KPNA1: variants seen among roughly 807,000 people sequenced by gnomAD.
The protein encoded by KPNA1 is karyopherin subunit alpha 1, also known as importin subunit alpha-5.
Under a neutral mutation model 70.5 loss-of-function variants are expected in KPNA1, and 10 were observed. The ratio of observed to expected loss-of-function variants is 0.14; its 90% CI spans 0.09 to 0.24. The LOEUF (loss-of-function observed/expected upper bound fraction) is 0.24. Ranked by LOEUF, KPNA1 falls within the 10% of genes least tolerant of loss-of-function variation. The probability of loss-of-function intolerance (pLI) is 1.00; values close to 1 mark genes in which losing one functional copy is unlikely to be tolerated. For synonymous variants in KPNA1, 192 were observed against 221.9 expected (o/e 0.87, Z 1.20); for missense variants, 397 against 637.9 (o/e 0.62, Z 4.07).
At chr3:122,437,617 T>C (rs934191384) in intron 10 of KPNA1, among the ~76,000 whole-genome samples, 5 of 152,198 alleles carry the variant, frequency 3.3e-5, no homozygotes, top group African/African-American at 1.2e-4. Context: ...ATATATCAAG[T>C]GGCCAGAAAA....
intron 12 of KPNA1, among the ~76,000 whole-genome samples, chr3:122,432,140 T>C (rs2075919128): frequency 6.6e-6 from 1 of 152,170 alleles, no homozygotes; most frequent in Admixed American, 6.5e-5. Context: ...TGCTATAAAA[T>C]ATAGAGACAA....
At chr3:122,496,635 C>A in intron 1 of KPNA1, 65 bp from the exon 2 acceptor site, 2 of 1,488,940 alleles carry the variant, frequency 1.3e-6, no homozygotes, top group Non-Finnish European at 1.8e-6. Context: ...TCTAAGAGCT[C>A]AGTCTTTTAA....
rs183955218 is a variant in KPNA1, at chr3:122,437,508, A to C, written c.997-213T>G. Among the ~76,000 whole-genome samples the C allele has an allele frequency of 2.5e-3, 376 of 152,324 alleles. 2 individuals carry two copies. The highest frequency in any genetic ancestry group is 0.023 in the Admixed American group (347 of 15,294). The stretch of plus-strand genomic sequence containing the variant: ...CATTGTACACATTCACAACTGCTAA[A>C]CTGTACTTAATAAGATACAATAATG... On this transcript the variant is annotated intron_variant, in intron 10 of 13. Coordinates refer to ENST00000344337, the MANE Select transcript of KPNA1 (RefSeq NM_002264.4).
At chr3:122,436,861 T>G (rs1260785830) in intron 11 of KPNA1, among the ~76,000 whole-genome samples, 4 of 152,218 alleles carry the variant, frequency 2.6e-5, no homozygotes, top group Admixed American at 2.6e-4. Context: ...CACTACAACC[T>G]CTACCTCCAC....
chr3:122,436,790 T>G (rs193114072), intron 11 of KPNA1, among the ~76,000 whole-genome samples: 1 of 152,346 alleles, frequency 6.6e-6, no homozygotes, highest in East Asian at 1.9e-4. Context: ...CGTTTTATTT[T>G]GTTTTGAGAT....
At chr3:122,479,660 T>A (rs1257520078) in intron 2 of KPNA1, among the ~76,000 whole-genome samples, 2 of 152,094 alleles carry the variant, frequency 1.3e-5, no homozygotes, top group Non-Finnish European at 2.9e-5. Flanking sequence ...CTCGGGAGGC[T>A]GAGGCAGGAG....
At chr3:122,512,581 G>A (rs1450911685) in intron 1 of KPNA1, among the ~76,000 whole-genome samples, 3 of 152,152 alleles carry the variant, frequency 2.0e-5, no homozygotes, top group Non-Finnish European at 4.4e-5. Context: ...AAAATTAGCC[G>A]AGTGTGGCCT....
chr3:122,486,733 A>AC (rs1360665029), intron 2 of KPNA1, among the ~76,000 whole-genome samples: 1 of 151,792 alleles, frequency 6.6e-6, no homozygotes, highest in Non-Finnish European at 1.5e-5. Flanking sequence ...GACTACAGGC[A>AC]CCGCCACCAC....
Position 122,425,375 on chromosome 3 carries a change from G to A in KPNA1, c.*1610C>T, listed in dbSNP as rs2107710984. 1 of 152,568 alleles carries A rather than the reference G, an allele frequency of 6.6e-6. No homozygotes were observed. Among genetic ancestry groups the A allele is most frequent in the African/African-American group, 2.4e-5 (1 of 41,500 alleles). The allele number at this position is 152,568 out of a possible 1,614,324, so 9.5% of individuals were successfully genotyped here. Reference sequence around the variant, plus strand: ...CTTCCAAATAGTTTTTACACTTTGGGGTTATAATGAATTCTAGAAGAGGAC... The same window carrying A: ...CTTCCAAATAGTTTTTACACTTTGGAGTTATAATGAATTCTAGAAGAGGAC... On this transcript the variant is annotated 3_prime_UTR_variant, in exon 14 of 14. Coordinates refer to ENST00000344337, the MANE Select transcript of KPNA1 (RefSeq NM_002264.4).
intron 6 of KPNA1, among the ~76,000 whole-genome samples, chr3:122,452,638 AGAGGGAGG>A (rs148495333): frequency 3.2e-4 from 16 of 50,496 alleles, no homozygotes; most frequent in African/African-American, 1.0e-3. Context: ...GAGGGAGGAG[AGAGGGAGG>A]GAGGGAGGGA....
intron 1 of KPNA1, among the ~76,000 whole-genome samples, chr3:122,507,741 T>A (rs868017968): frequency 4.0e-5 from 6 of 151,676 alleles, no homozygotes; most frequent in Middle Eastern, 3.4e-3. Context: ...AAAAGTTGAA[T>A]GATTTTTTGG....
At chr3:122,428,740 T>C (rs1417180413) in intron 12 of KPNA1, among the ~76,000 whole-genome samples, 1 of 152,144 alleles carries the variant, frequency 6.6e-6, no homozygotes, top group Non-Finnish European at 1.5e-5. Context: ...ATTAATAACT[T>C]CCCAGAATAG....
intron 9 of KPNA1, among the ~76,000 whole-genome samples, chr3:122,445,437 G>A (rs2076124342): frequency 1.3e-5 from 2 of 152,134 alleles, no homozygotes; most frequent in South Asian, 2.1e-4. Context: ...ATAAGTGAAG[G>A]AGAAATAAAA....
intron 2 of KPNA1, among the ~76,000 whole-genome samples, chr3:122,468,823 C>T (rs763568226): frequency 6.6e-6 from 1 of 152,126 alleles, no homozygotes; most frequent in African/African-American, 2.4e-5. Context: ...TGCCTTTGAT[C>T]GACTTTTTAG....
intron 10 of KPNA1, among the ~76,000 whole-genome samples, chr3:122,438,072 A>G (rs907072078): frequency 3.1e-4 from 47 of 152,280 alleles, no homozygotes; most frequent in African/African-American, 1.0e-3. Flanking sequence ...CCCAAATCAC[A>G]TGTTGAATTG....
chr3:122,452,560 G>A (rs796227459), intron 6 of KPNA1, among the ~76,000 whole-genome samples: 83 of 34,732 alleles, frequency 2.4e-3, no homozygotes, highest in South Asian at 3.7e-3. Context: ...GAGGGAGGGA[G>A]GGAGGGAAGG....
chr3:122,442,019 A>G lies in KPNA1; in HGVS notation c.996+19T>C, dbSNP rs745916636. On this transcript the variant is annotated intron_variant, in intron 10 of 13. Transcript: ENST00000344337. ...ATACTGTTTTTAAAGGACAAAAAAA[A>G]GTTACCACTTCTTCATACCTGTGTC... The G allele has an allele frequency of 1.3e-6, 2 of 1,575,258 alleles. No homozygotes were observed. The highest frequency in any genetic ancestry group is 1.7e-5 in the Admixed American group (1 of 59,162).
At chr3:122,475,942 A>G (rs2076492925) in intron 2 of KPNA1, among the ~76,000 whole-genome samples, 3 of 152,188 alleles carry the variant, frequency 2.0e-5, no homozygotes. Flanking sequence ...GGGAAGAGGA[A>G]GGGTTGGTCT....
chr3:122,499,550 C>CA (rs2076801579), intron 1 of KPNA1, among the ~76,000 whole-genome samples: 1 of 151,486 alleles, frequency 6.6e-6, no homozygotes, highest in Admixed American at 6.6e-5. Flanking sequence ...GCCAGGAGTT[C>CA]AAGATCAGAC....
Sources: gnomAD v4.1 joint callset for allele counts (sites outside exome capture counted in the v4.1 genomes callset) on GRCh38, gnomAD v4.1.1 for gene constraint, MANE v1.5 for transcripts, NCBI Gene and HGNC (gene_info 2026-07-23, HGNC 2026-07-21) for gene names.